The following MYO18B variants were observed in gnomAD, a reference collection of about 807,000 sequenced individuals.
The protein encoded by MYO18B is myosin XVIIIB, also known as unconventional myosin-XVIIIb.
MYO18B carries 204 observed loss-of-function variants against 273.0 expected under a neutral mutation model. The ratio of observed to expected loss-of-function variants is 0.75; its 90% CI spans 0.67 to 0.84. The LOEUF (loss-of-function observed/expected upper bound fraction) is 0.84. Ranked by LOEUF, MYO18B falls within the 40% of genes least tolerant of loss-of-function variation. MYO18B has a pLI of 0.00. For synonymous variants in MYO18B, 1,330 were observed against 1,305.7 expected (o/e 1.02, Z -0.40); for missense variants, 3,212 against 3,287.6 (o/e 0.98, Z 0.56).
At chr22:25,982,584 C>G (rs764762207) in intron 39 of MYO18B, among the ~76,000 whole-genome samples, 12 of 152,178 alleles carry the variant, frequency 7.9e-5, no homozygotes, top group Non-Finnish European at 1.3e-4. Context: ...TCTGTTCCAG[C>G]CTCTTCTAGC....
chr22:25,861,901 C>T (rs2090748413), intron 21 of MYO18B, among the ~76,000 whole-genome samples: 2 of 152,176 alleles, frequency 1.3e-5, no homozygotes, highest in African/African-American at 4.8e-5. Flanking sequence ...CTTCCTCCTA[C>T]CTTAGTGATA....
chr22:25,875,654 T>C (rs1171735922), intron 23 of MYO18B, among the ~76,000 whole-genome samples: 1 of 152,168 alleles, frequency 6.6e-6, no homozygotes, highest in East Asian at 1.9e-4. Flanking sequence ...TTGGGGGTGG[T>C]GTCTAGCCAT....
chr22:26,043,692 T>C, the MYO18B span, among the ~76,000 whole-genome samples: 1 of 151,896 alleles, frequency 6.6e-6, no homozygotes, highest in East Asian at 1.9e-4. Context: ...TTTTTTGTAT[T>C]TTTAGTAAAG....
chr22:25,966,508 G>C (rs369064727), intron 39 of MYO18B, among the ~76,000 whole-genome samples: 1 of 152,192 alleles, frequency 6.6e-6, no homozygotes, highest in African/African-American at 2.4e-5. Flanking sequence ...CATGAGCCGG[G>C]TGTAAATAAC....
chr22:25,830,580 TC>T (rs979315639), intron 15 of MYO18B, among the ~76,000 whole-genome samples: 9 of 152,202 alleles, frequency 5.9e-5, no homozygotes, highest in African/African-American at 2.2e-4. Context: ...TTGTCCCTGT[TC>T]CACAAATGTC....
intron 1 of MYO18B, among the ~76,000 whole-genome samples, chr22:25,745,897 C>T (rs1053969595): frequency 1.3e-5 from 2 of 152,110 alleles, no homozygotes; most frequent in African/African-American, 4.8e-5. Context: ...GAGATGGTTG[C>T]TTGATGGGAT....
chr22:25,808,583 G>A (rs542928854), intron 12 of MYO18B, among the ~76,000 whole-genome samples: 77 of 152,216 alleles, frequency 5.1e-4, no homozygotes, highest in Non-Finnish European at 7.9e-4. Flanking sequence ...TCCTGAGAGC[G>A]CCTCCTCAGC....
rs373181226 is a variant in MYO18B, at chr22:25,769,257, G to A, written c.1341G>A (p.Glu447=). The change falls in exon 4 of 44, where the codon GAG becomes GAA. Residue 447 remains glutamate (E), a synonymous_variant. Coordinates refer to ENST00000335473, the MANE Select transcript of MYO18B (RefSeq NM_032608.7). ...WPGSRGQEAE[E]PCSRAGDGAG... ...GAAGCCGTGGGCAGGAAGCAGAGGAGCCCTGCTCAAGAGCAGGTGATGGGG... is the reference window on the plus strand; with the variant it reads ...GAAGCCGTGGGCAGGAAGCAGAGGAACCCTGCTCAAGAGCAGGTGATGGGG... 1.9e-6 allele frequency: 3 copies of A among 1,593,766 alleles called. No homozygotes were observed. Among genetic ancestry groups the A allele is most frequent in the Non-Finnish European group, 2.6e-6 (3 of 1,170,608 alleles).
At chr22:25,939,017 G>T (rs186397894) in intron 34 of MYO18B, among the ~76,000 whole-genome samples, 17 of 152,280 alleles carry the variant, frequency 1.1e-4, no homozygotes, top group African/African-American at 3.9e-4. Flanking sequence ...GTCTAGCTAT[G>T]GTGCCTAGGC....
chr22:25,763,203 T>C, intron 2 of MYO18B, 28 bp from the exon 3 acceptor site: 2 of 1,609,452 alleles, frequency 1.2e-6, no homozygotes, highest in Non-Finnish European at 1.7e-6. Flanking sequence ...CTCACTGAGC[T>C]CTCTCTTTCC....
chr22:25,919,024 C>T (rs1290406864), intron 33 of MYO18B, among the ~76,000 whole-genome samples: 2 of 152,184 alleles, frequency 1.3e-5, no homozygotes, highest in Admixed American at 6.5e-5. Context: ...CCTGGATAAC[C>T]TCTTTCACTT....
the MYO18B span, among the ~76,000 whole-genome samples, chr22:26,041,550 A>G: frequency 6.6e-6 from 1 of 151,872 alleles, no homozygotes; most frequent in East Asian, 1.9e-4. Flanking sequence ...TAATAATAAC[A>G]ATAAAAAGAC....
chr22:25,827,777 G>A (rs536943122), intron 14 of MYO18B, among the ~76,000 whole-genome samples: 71 of 152,288 alleles, frequency 4.7e-4, no homozygotes, highest in African/African-American at 1.5e-3. Context: ...AACTGCTGGC[G>A]GAGGAAACTG....
At chr22:25,922,508 G>A (rs1250113142) in intron 34 of MYO18B, among the ~76,000 whole-genome samples, 1 of 152,184 alleles carries the variant, frequency 6.6e-6, no homozygotes, top group Non-Finnish European at 1.5e-5. Context: ...CACCTGGGGA[G>A]GCTCAGAGCT....
At chr22:25,886,581 G>A (rs1284585946) in intron 25 of MYO18B, among the ~76,000 whole-genome samples, 1 of 152,194 alleles carries the variant, frequency 6.6e-6, no homozygotes, top group Non-Finnish European at 1.5e-5. Context: ...TCCAGCAAGG[G>A]TGGTTGAGGT....
rs1240513570 is a variant in MYO18B, at chr22:25,883,300, G to C, written c.4314+5252G>C. 2.0e-5 allele frequency: 3 copies of C among 152,226 alleles called. No individual in the cohort carries two copies. The highest frequency in any genetic ancestry group is 7.2e-5 in the African/African-American group (3 of 41,452). The allele number at this position is 152,226 out of a possible 1,614,324, so 9.4% of individuals were successfully genotyped here. ...CCAAGAGGAGGTTCTTGGTATGGGG[G>C]GTAGGGAGCCCTCCAGCCCCTAGGC... On this transcript the variant is annotated intron_variant, in intron 25 of 43. Transcript: ENST00000335473. This position sits in a 1 kb window ranked among gnomAD's most constrained non-coding sequence, Gnocchi z 7.6.
intron 13 of MYO18B, among the ~76,000 whole-genome samples, chr22:25,823,939 G>A (rs2089389223): frequency 6.6e-6 from 1 of 152,144 alleles, no homozygotes; most frequent in African/African-American, 2.4e-5. Flanking sequence ...GGATGCCGTG[G>A]GCAGGGCCGA....
intron 12 of MYO18B, among the ~76,000 whole-genome samples, chr22:25,812,926 G>C (rs539329908): frequency 6.6e-6 from 1 of 152,088 alleles, no homozygotes; most frequent in Non-Finnish European, 1.5e-5. Context: ...GTGTTCTGTT[G>C]ATCTTGTTTG....
chr22:25,828,740 C>T (rs768095945), intron 14 of MYO18B, 36 bp from the exon 15 acceptor site: 9 of 1,585,130 alleles, frequency 5.7e-6, no homozygotes, highest in Non-Finnish European at 7.8e-6. Context: ...GATTCCATGC[C>T]ATCTCAGACA....
Sources: gnomAD v4.1 joint callset for allele counts (sites outside exome capture counted in the v4.1 genomes callset) on GRCh38, gnomAD v4.1.1 for gene constraint, Gnocchi (gnomAD v3.1) non-coding constraint, MANE v1.5 for transcripts, NCBI Gene and HGNC (gene_info 2026-07-23, HGNC 2026-07-21) for gene names.